Variants in LAMA2 observed in about 807,000 individuals in gnomAD.
LAMA2 encodes the protein laminin subunit alpha-2.
LAMA2 carries 269 observed loss-of-function variants against 364.8 expected under a neutral mutation model. That is an observed-to-expected ratio of 0.74 (90% CI 0.67 to 0.82). The LOEUF is 0.82. Among genes scored for constraint, LAMA2 ranks in the 40% least tolerant of loss-of-function variants. The probability of loss-of-function intolerance (pLI) is 0.00; values close to 1 mark genes in which losing one functional copy is unlikely to be tolerated. For synonymous variants in LAMA2, 1,379 were observed against 1,370.6 expected (o/e 1.01, Z -0.14); for missense variants, 3,807 against 3,873.2 (o/e 0.98, Z 0.45).
intron 34 of LAMA2, among the ~76,000 whole-genome samples, chr6:129,376,994 G>A (rs1194900032): frequency 1.3e-5 from 2 of 152,144 alleles, no homozygotes; most frequent in South Asian, 2.1e-4. Context: ...GATTTTAAAA[G>A]CATTTGAACA....
intron 12 of LAMA2, among the ~76,000 whole-genome samples, chr6:129,248,313 T>C (rs1440553914): frequency 2.0e-5 from 3 of 152,236 alleles, no homozygotes; most frequent in African/African-American, 7.2e-5. Context: ...GTTTCCATTA[T>C]ATGTGACTTT....
Position 129,502,725 on chromosome 6 carries a change from A to C in LAMA2, c.8311A>C (p.Asn2771His). 1.9e-6 allele frequency: 3 copies of C among 1,614,074 alleles called. No individual in the cohort carries two copies. The highest frequency in any genetic ancestry group is 2.5e-6 in the Non-Finnish European group (3 of 1,179,946). The change falls in exon 59 of 65, where the codon AAC (asparagine) becomes CAC (histidine). Residue 2771 changes from asparagine (N) to histidine (H), a missense_variant. Physicochemically the swap from Asn to His is moderately conservative, Grantham distance 68 (BLOSUM62 1). Coordinates refer to ENST00000421865, the MANE Select transcript of LAMA2 (RefSeq NM_000426.4). ...GAGCAAGCAGTTCGGGCTTTCAAGA[A>C]ACAGTCACATTGCAATTGCATTTGA... ...IGSKQFGLSRNSHIAIAFDDT... is the reference protein window; with the variant it reads ...IGSKQFGLSRHSHIAIAFDDT...
chr6:129,098,500 T>C, intron 4 of LAMA2, 85 bp downstream of exon 4: 1 of 1,449,184 alleles, frequency 6.9e-7, no homozygotes, highest in Non-Finnish European at 9.6e-7. Flanking sequence ...CAGTAATTAA[T>C]GTCAGGGAGA....
In LAMA2 at chr6:129,385,975, G is replaced by A. The variant is rs112476716; in HGVS notation, c.5071+2742G>A. 4.1e-3 allele frequency among the ~76,000 whole-genome samples: 623 copies of A among 152,164 alleles called. 2 individuals carry two copies. Among genetic ancestry groups the A allele is most frequent in the African/African-American group, 0.014 (602 of 41,540 alleles). On this transcript the variant is annotated intron_variant, in intron 35 of 64. Coordinates refer to ENST00000421865, the MANE Select transcript of LAMA2 (RefSeq NM_000426.4). ...ATCCTATTTGTATTCCCTGCTACGC[G>A]TAGTCTACTAAGATGCTTAGTAGTG...
Position 129,251,752 on chromosome 6 carries a change from G to A in LAMA2, c.1885-332G>A, listed in dbSNP as rs114529869. On this transcript the variant is annotated intron_variant, in intron 13 of 64. Transcript: ENST00000421865. ...GTTTGAGACCAGACTGGCCAACATG[G>A]CAAAACCCCCGCCTCTTCTACAAAT... Among the ~76,000 whole-genome samples, 738 of 152,124 alleles carry A rather than the reference G, an allele frequency of 4.9e-3. 5 individuals carry two copies. The highest frequency in any genetic ancestry group is 0.017 in the African/African-American group (702 of 41,498).
chr6:129,142,119 T>G (rs1778156104), intron 4 of LAMA2, among the ~76,000 whole-genome samples: 1 of 152,200 alleles, frequency 6.6e-6, no homozygotes, highest in South Asian at 2.1e-4. Flanking sequence ...CCCATATTGA[T>G]GGATATTAGG....
chr6:128,921,063 A>T (rs953963808), intron 1 of LAMA2, among the ~76,000 whole-genome samples: 1 of 152,188 alleles, frequency 6.6e-6, no homozygotes, highest in Non-Finnish European at 1.5e-5. Context: ...TGAAACGCGT[A>T]TCTTGCCTGC....
intron 12 of LAMA2, among the ~76,000 whole-genome samples, chr6:129,247,406 G>A (rs1785830254): frequency 6.6e-6 from 1 of 152,162 alleles, no homozygotes; most frequent in African/African-American, 2.4e-5. Context: ...AGCTAAGATG[G>A]TGCCACTCCA....
intron 12 of LAMA2, among the ~76,000 whole-genome samples, chr6:129,201,103 C>T (rs973691671): frequency 6.6e-6 from 1 of 152,140 alleles, no homozygotes; most frequent in South Asian, 2.1e-4. Flanking sequence ...AGTTTTTAGA[C>T]ACTCTTCCAC....
chr6:129,480,258 G>A (rs899506008), intron 54 of LAMA2, among the ~76,000 whole-genome samples: 2 of 152,098 alleles, frequency 1.3e-5, no homozygotes, highest in Admixed American at 6.5e-5. Flanking sequence ...ACTGTGGGAG[G>A]AAAATAGCCT....
chr6:128,923,557 A>T (rs969348039), intron 1 of LAMA2, among the ~76,000 whole-genome samples: 6 of 152,168 alleles, frequency 3.9e-5, no homozygotes, highest in Non-Finnish European at 8.8e-5. Context: ...ACTATATTAA[A>T]AGGGGATAGT....
chr6:129,251,433 A>G (rs941060750), intron 13 of LAMA2, among the ~76,000 whole-genome samples: 4 of 152,062 alleles, frequency 2.6e-5, no homozygotes, highest in East Asian at 3.8e-4. Flanking sequence ...ACTTTTTTCA[A>G]TTCAAGGTGT....
intron 58 of LAMA2, among the ~76,000 whole-genome samples, chr6:129,493,365 AT>A (rs1784980693): frequency 1.3e-5 from 2 of 152,144 alleles, no homozygotes; most frequent in Admixed American, 1.3e-4. Flanking sequence ...ATCTGTGTGA[AT>A]TTGGGAAAGC....
At chr6:129,419,951 T>A (rs1780990793) in intron 40 of LAMA2, among the ~76,000 whole-genome samples, 1 of 152,156 alleles carries the variant, frequency 6.6e-6, no homozygotes, top group Non-Finnish European at 1.5e-5. Context: ...CCTTAAAAAT[T>A]GATGCATGGT....
chr6:129,152,187 C>T (rs1349848473), intron 7 of LAMA2, among the ~76,000 whole-genome samples: 1 of 152,148 alleles, frequency 6.6e-6, no homozygotes, highest in Non-Finnish European at 1.5e-5. Context: ...GATAATGACA[C>T]TCATAATGAA....
At chr6:129,293,079 G>C (rs1367561873) in intron 20 of LAMA2, 13 of 985,788 alleles carry the variant, frequency 1.3e-5, no homozygotes, top group Non-Finnish European at 1.6e-5. Context: ...AATCCCAGAG[G>C]CGCTGCATGG....
intron 32 of LAMA2, among the ~76,000 whole-genome samples, chr6:129,364,565 T>C (rs1032217450): frequency 1.3e-5 from 2 of 152,192 alleles, no homozygotes; most frequent in Admixed American, 6.5e-5. Flanking sequence ...TTAAATCTGC[T>C]AAAAGATTCA....
rs747241070 is a variant in LAMA2, at chr6:129,516,316, G to A, written c.9338G>A (p.Gly3113Asp). The A allele has an allele frequency of 2.5e-6, 4 of 1,614,102 alleles. No homozygotes were observed. The highest frequency in any genetic ancestry group is 3.4e-6 in the Non-Finnish European group (4 of 1,179,992). The part of the protein sequence containing the change: ...VNFAKALELR[G>D]VQPVSCPAN ...TTTGCCAAGGCCCTGGAACTGAGGG[G>A]CGTTCAACCTGTATCATGCCCAGCC... is the stretch of plus-strand genomic sequence containing the variant. The change falls in exon 65 of 65, where the codon GGC (glycine) becomes GAC (aspartate). Residue 3113 changes from glycine (G) to aspartate (D), a missense_variant. Physicochemically the swap from Gly to Asp is moderately conservative, Grantham distance 94. Transcript: ENST00000421865.
chr6:129,225,414 A>G (rs2115109795), intron 12 of LAMA2, among the ~76,000 whole-genome samples: 1 of 152,016 alleles, frequency 6.6e-6, no homozygotes, highest in Admixed American at 6.5e-5. Flanking sequence ...TAGTTCTTTT[A>G]ATTGTGATGT....
Sources: gnomAD v4.1 joint callset for allele counts (sites outside exome capture counted in the v4.1 genomes callset) on GRCh38, gnomAD v4.1.1 for gene constraint, MANE v1.5 for transcripts, NCBI Gene and HGNC (gene_info 2026-07-23, HGNC 2026-07-21) for gene names.